GABBR2: variants seen among roughly 807,000 people sequenced by gnomAD.
GABBR2 encodes the protein G-protein coupled receptor 51.
Under a neutral mutation model 105.6 loss-of-function variants are expected in GABBR2, and 23 were observed. The ratio of observed to expected loss-of-function variants is 0.22; its 90% CI spans 0.16 to 0.31. The LOEUF is 0.31. GABBR2 is among the 10% of genes least tolerant of loss of function. The pLI, the probability that GABBR2 is intolerant of heterozygous loss-of-function variation, is 1.00. For synonymous variants in GABBR2, 478 were observed against 499.7 expected (o/e 0.96, Z 0.58); for missense variants, 734 against 1,245.5 (o/e 0.59, Z 6.18).
At chr9:98,336,506 C>A (rs765928596) in intron 13 of GABBR2, among the ~76,000 whole-genome samples, 1 of 152,024 alleles carries the variant, frequency 6.6e-6, no homozygotes, top group African/African-American at 2.4e-5. Context: ...GAGTTTGAGA[C>A]CAGCCTGGCC....
intron 1 of GABBR2, among the ~76,000 whole-genome samples, chr9:98,689,927 C>A (rs1268133415): frequency 6.6e-6 from 1 of 152,154 alleles, no homozygotes; most frequent in African/African-American, 2.4e-5. Flanking sequence ...AGTCCAACTG[C>A]CCAATTTCTT....
At chr9:98,483,112 C>T (rs1285896808) in intron 4 of GABBR2, among the ~76,000 whole-genome samples, 1 of 152,124 alleles carries the variant, frequency 6.6e-6, no homozygotes, top group Admixed American at 6.5e-5. Context: ...AAGCTGAATC[C>T]ACCAGCTTTC....
At chr9:98,383,434 T>G (rs1588132711) in intron 11 of GABBR2, among the ~76,000 whole-genome samples, 1 of 152,350 alleles carries the variant, frequency 6.6e-6, no homozygotes, top group South Asian at 2.1e-4. Context: ...CATACTCTTT[T>G]GATCTTTTGG....
intron 3 of GABBR2, among the ~76,000 whole-genome samples, chr9:98,505,452 G>C (rs1202613188): frequency 6.6e-6 from 1 of 151,788 alleles, no homozygotes; most frequent in Non-Finnish European, 1.5e-5. Flanking sequence ...GTGTGTGTGT[G>C]TGTGTGCATG....
intron 1 of GABBR2, among the ~76,000 whole-genome samples, chr9:98,591,734 T>C (rs1385082951): frequency 6.6e-6 from 1 of 152,162 alleles, no homozygotes; most frequent in Admixed American, 6.5e-5. Flanking sequence ...GTAGTCTCCT[T>C]CATGGGAGGT....
chr9:98,654,398 G>A lies in GABBR2; in HGVS notation c.321+54019C>T, dbSNP rs76852584. Among the ~76,000 whole-genome samples the A allele has an allele frequency of 1.0e-3, 152 of 152,330 alleles. 1 individual carries two copies. The highest frequency in any genetic ancestry group is 1.9e-3 in the Non-Finnish European group (129 of 68,028). On this transcript the variant is annotated intron_variant, in intron 1 of 18. Transcript: ENST00000259455. ...AGCCCATAATGGGGAGAAAGAATAA[G>A]TATTATCTTCGTCATCATTCATTCA...
At chr9:98,400,196 T>A (rs72759677) in intron 8 of GABBR2, among the ~76,000 whole-genome samples, 5,936 of 132,290 alleles carry the variant, frequency 0.045, 153 homozygotes, top group Admixed American at 0.087. Flanking sequence ...TTTTTTTTTT[T>A]AAAAAAAAAA....
intron 3 of GABBR2, among the ~76,000 whole-genome samples, chr9:98,511,786 T>C (rs1169271271): frequency 6.6e-6 from 1 of 151,932 alleles, no homozygotes; most frequent in Non-Finnish European, 1.5e-5. Flanking sequence ...ACCAAAAAAA[T>C]TCCAGGACCA....
intron 13 of GABBR2, among the ~76,000 whole-genome samples, chr9:98,331,573 C>T (rs563325591): frequency 1.3e-3 from 200 of 152,188 alleles, no homozygotes; most frequent in Admixed American, 2.2e-3. Flanking sequence ...AGGGGCTGCA[C>T]CTAACCCATC....
At chr9:98,610,699 A>G (rs905576798) in intron 1 of GABBR2, among the ~76,000 whole-genome samples, 1 of 151,778 alleles carries the variant, frequency 6.6e-6, no homozygotes, top group Non-Finnish European at 1.5e-5. Flanking sequence ...GCACAAAAGG[A>G]TTGGTTTTCC....
chr9:98,505,530 T>C (rs527656870), intron 3 of GABBR2, among the ~76,000 whole-genome samples: 1 of 152,172 alleles, frequency 6.6e-6, no homozygotes, highest in African/African-American at 2.4e-5. Context: ...CCAAAAAAGA[T>C]AGGTCTAAGT....
chr9:98,631,072 C>T (rs1829810886), intron 1 of GABBR2, among the ~76,000 whole-genome samples: 1 of 152,110 alleles, frequency 6.6e-6, no homozygotes. Flanking sequence ...TAACGAAATG[C>T]TATCTTAATA....
intron 13 of GABBR2, among the ~76,000 whole-genome samples, chr9:98,349,457 G>A (rs1421951898): frequency 2.1e-5 from 3 of 144,854 alleles, no homozygotes; most frequent in African/African-American, 7.8e-5. Flanking sequence ...GGTTGCAAGC[G>A]ATTCTCCTGT....
chr9:98,602,202 G>A (rs571713078), intron 1 of GABBR2, among the ~76,000 whole-genome samples: 47 of 151,110 alleles, frequency 3.1e-4, no homozygotes, highest in African/African-American at 5.8e-4. Context: ...GGCCGGGTGC[G>A]GTGGCTCACG....
rs1251437144 is a variant in GABBR2, at chr9:98,518,166, A to G, written c.631-21652T>C. 2.0e-5 allele frequency among the ~76,000 whole-genome samples: 3 copies of G among 152,238 alleles called. No homozygotes were observed. The East Asian group carries it at 5.8e-4, about 29-fold the overall frequency. On this transcript the variant is annotated intron_variant, in intron 3 of 18. Transcript: ENST00000259455. ...AGCTCTGCCCCTCCCCTTGTCCTCC[A>G]GAGCAGTTGATGCTCGTGACTCCAG...
chr9:98,554,547 T>C (rs1223984443), intron 2 of GABBR2, among the ~76,000 whole-genome samples: 1 of 152,204 alleles, frequency 6.6e-6, no homozygotes, highest in Admixed American at 6.5e-5. Context: ...TTTAAACTTC[T>C]ATTATCAAAT....
chr9:98,416,861 C>T (rs932702700), intron 7 of GABBR2, among the ~76,000 whole-genome samples: 2 of 152,184 alleles, frequency 1.3e-5, no homozygotes, highest in Non-Finnish European at 2.9e-5. Context: ...TATTAAATCC[C>T]CTCTGTTTGA....
At chr9:98,616,678 C>CAGG (rs1444353914) in intron 1 of GABBR2, among the ~76,000 whole-genome samples, 3 of 151,282 alleles carry the variant, frequency 2.0e-5, no homozygotes, top group Admixed American at 1.3e-4. Context: ...CGCTTGAACC[C>CAGG]AGGAGGAGGA....
intron 8 of GABBR2, among the ~76,000 whole-genome samples, chr9:98,396,923 G>C (rs1479944839): frequency 6.6e-6 from 1 of 152,148 alleles, no homozygotes; most frequent in African/African-American, 2.4e-5. Flanking sequence ...AATGTTGGAG[G>C]CTCACAGGCG....
Sources: allele counts gnomAD v4.1 joint callset (sites outside exome capture counted in the v4.1 genomes callset), GRCh38; gene constraint gnomAD v4.1.1; transcripts MANE v1.5; gene names NCBI Gene and HGNC (gene_info 2026-07-23, HGNC 2026-07-21).